Variants in KRT4 observed in about 807,000 individuals in gnomAD.
KRT4 encodes keratin 4.
In KRT4, 47 loss-of-function variants were observed where a neutral mutation model predicts 50.6. The ratio of observed to expected loss-of-function variants is 0.93; its 90% CI spans 0.73 to 1.18. The LOEUF (loss-of-function observed/expected upper bound fraction) is 1.18. Among genes scored for constraint, KRT4 ranks in the 50% most tolerant of loss-of-function variants. The probability of loss-of-function intolerance (pLI) is 0.00; values close to 1 mark genes in which losing one functional copy is unlikely to be tolerated. For synonymous variants in KRT4, 254 were observed against 251.2 expected (o/e 1.01, Z -0.10); for missense variants, 651 against 645.7 (o/e 1.01, Z -0.09).
intron 6 of KRT4, 87 bp downstream of exon 6, chr12:52,808,207 C>T (rs1939835578): frequency 6.5e-7 from 1 of 1,535,972 alleles, no homozygotes; most frequent in Non-Finnish European, 9.0e-7. Flanking sequence ...GGTCTTCTGG[C>T]CTGATGCTTT....
chr12:52,808,869 A>ACATCAGC lies in KRT4; in HGVS notation c.835-26_835-20dup, dbSNP rs554864842. 1.2e-4 allele frequency: 196 copies of ACATCAGC among 1,613,994 alleles called. No individual in the cohort carries two copies. The East Asian group carries it at 4.1e-3, about 33-fold the overall frequency. Reference sequence around the variant, plus strand: ...ACAGCTCCTGCAGGGCAAATGTCTCACATCAGCCCCCCCAGGAAAGCCTTC... The same window carrying ACATCAGC: ...ACAGCTCCTGCAGGGCAAATGTCTCACATCAGCCATCAGCCCCCCCAGGAAAGCCTTC... On this transcript the variant is annotated intron_variant, in intron 4 of 8. Transcript: ENST00000551956.
At chr12:52,813,466 A>G (rs532388246) in intron 1 of KRT4, 131 bp downstream of exon 1, 9 of 814,714 alleles carry the variant, frequency 1.1e-5, no homozygotes, top group Non-Finnish European at 1.9e-5. Context: ...TGCCCCTTCA[A>G]CAGCTGGAGA....
chr12:52,813,669 G>C lies in KRT4; in HGVS notation c.390C>G (p.Ile130Met), dbSNP rs1939951317. The part of the protein sequence containing the change: ...TPLHVEIDPE[I>M]QKVRTEEREQ... Reference sequence around the variant, plus strand: ...CGCGCTCTTCCGTCCGGACTTTCTGGATCTCAGGGTCAATCTCCACGTGGA... The same window carrying C: ...CGCGCTCTTCCGTCCGGACTTTCTGCATCTCAGGGTCAATCTCCACGTGGA... Residue 130 changes from isoleucine to methionine, a missense_variant, in exon 1 of 9, where the codon ATC (isoleucine) becomes ATG (methionine). Coordinates refer to ENST00000551956, the MANE Select transcript of KRT4 (RefSeq NM_002272.4). 6.2e-7 allele frequency: 1 copy of C among 1,614,152 alleles called. No homozygotes were observed.
In KRT4 at chr12:52,808,324, C is replaced by T; in HGVS notation, c.1095G>A (p.Leu365=). The stretch of plus-strand genomic sequence containing the variant: ...TCTTGATGTTCTCGATCTCTGCCCG[C>T]AGCCTCTGGATCATCCTGTTGAGCT... The part of the protein sequence containing the change: ...IAELNRMIQR[L]RAEIENIKKQ... Residue 365 remains leucine (L), a synonymous_variant, in exon 6 of 9, where the codon CTG becomes CTA. Coordinates refer to ENST00000551956, the MANE Select transcript of KRT4 (RefSeq NM_002272.4). The T allele has an allele frequency of 6.2e-7, 1 of 1,614,190 alleles. No homozygotes were observed. The highest frequency in any genetic ancestry group is 1.1e-5 in the South Asian group (1 of 91,082).
chr12:52,811,871 G>T lies in KRT4; in HGVS notation c.569C>A (p.Thr190Asn). 1 of 1,614,046 alleles carries T rather than the reference G, an allele frequency of 6.2e-7. No homozygotes were observed. Among genetic ancestry groups the T allele is most frequent in the Non-Finnish European group, 8.5e-7 (1 of 1,179,990 alleles). Residue 190 changes from threonine (T) to asparagine (N), a missense_variant, in exon 2 of 9, where the codon ACC (threonine) becomes AAC (asparagine). Physicochemically the swap from Thr to Asn is moderately conservative, Grantham distance 65. Coordinates refer to ENST00000551956, the MANE Select transcript of KRT4 (RefSeq NM_002272.4). The stretch of plus-strand genomic sequence containing the variant: ...CTGCTTCCTCAGGACACTGAGGTAG[G>T]TCTCAAAGAGGGGCTCAAGGTTTTT... ...SSKNLEPLFE[T>N]YLSVLRKQLD...
At chr12:52,812,725 C>T (rs1195223844) in intron 1 of KRT4, among the ~76,000 whole-genome samples, 1 of 152,246 alleles carries the variant, frequency 6.6e-6, no homozygotes, top group Admixed American at 6.5e-5. Flanking sequence ...ATCACATCTG[C>T]ATGTCCTATA....
intron 6 of KRT4, 96 bp downstream of exon 6, chr12:52,808,198 G>A: frequency 1.3e-6 from 2 of 1,489,176 alleles, no homozygotes; most frequent in Middle Eastern, 2.2e-4. Context: ...CAAGCTCAGG[G>A]TCTTCTGGCC....
chr12:52,809,486 G>A lies in KRT4; in HGVS notation c.739-8C>T, dbSNP rs1216202320. On this transcript the variant is annotated splice_region_variant and splice_polypyrimidine_tract_variant and intron_variant, in intron 3 of 8. Transcript: ENST00000551956. ...GTAGGCAGCATCCACGTCCTGCAGAGGAGTAAGGAGGATAAGAGATGAGGA... is the reference window on the plus strand; with the variant it reads ...GTAGGCAGCATCCACGTCCTGCAGAAGAGTAAGGAGGATAAGAGATGAGGA... 5.0e-6 allele frequency: 8 copies of A among 1,599,364 alleles called. No homozygotes were observed. The highest frequency in any genetic ancestry group is 6.9e-6 in the Non-Finnish European group (8 of 1,166,434).
At chr12:52,811,662 C>T (rs1939912201) in intron 2 of KRT4, 101 bp downstream of exon 2, 2 of 981,706 alleles carry the variant, frequency 2.0e-6, no homozygotes, top group Non-Finnish European at 3.2e-6. Flanking sequence ...TCCTAGACGC[C>T]TTCAGAGCCT....
Position 52,807,701 on chromosome 12 carries a change from A to G in KRT4, c.1289T>C (p.Leu430Pro). 6.2e-7 allele frequency: 1 copy of G among 1,614,136 alleles called. No homozygotes were observed. Among genetic ancestry groups the G allele is most frequent in the African/African-American group, 1.3e-5 (1 of 75,036 alleles). ...REYQELMSVK[L>P]ALDIEIATYR... ...GGTGGCGATCTCGATGTCCAAGGCC[A>G]GCTTCACACTCATGAGCTCCTGGTA... is the stretch of plus-strand genomic sequence containing the variant. The change falls in exon 7 of 9, where the codon CTG becomes CCG. Residue 430 changes from leucine to proline, a missense_variant. Transcript: ENST00000551956.
At position 52,807,192 on chromosome 12, in the gene KRT4, G is replaced by C. The variant is rs200467319; in HGVS notation, c.1440C>G (p.Ser480=). 1 of 1,614,132 alleles carries C rather than the reference G, an allele frequency of 6.2e-7. No homozygotes were observed. The change falls in exon 9 of 9, where the codon TCC becomes TCG. Residue 480 remains serine (S), a synonymous_variant. Coordinates refer to ENST00000551956, the MANE Select transcript of KRT4 (RefSeq NM_002272.4). The stretch of plus-strand genomic sequence containing the variant: ...CAAAGCCACTACTCAGGCCAAACCC[G>C]GAGCCACTTCCTAATCCTCCGCTGA... ...GGISGGLGSG[S]GFGLSSGFGS...
chr12:52,808,173 A>G, intron 6 of KRT4, 121 bp downstream of exon 6: 3 of 1,326,960 alleles, frequency 2.3e-6, no homozygotes, highest in East Asian at 2.3e-5. Flanking sequence ...ACAAAGAGCT[A>G]TGAATTCCCA....
At chr12:52,809,981 T>A (rs1939880611) in intron 3 of KRT4, among the ~76,000 whole-genome samples, 1 of 152,162 alleles carries the variant, frequency 6.6e-6, no homozygotes, top group Non-Finnish European at 1.5e-5. Flanking sequence ...GAGGCCATTA[T>A]CTTAAGTGAA....
intron 2 of KRT4, chr12:52,811,508 T>C: frequency 2.0e-6 from 1 of 507,280 alleles, no homozygotes; most frequent in Non-Finnish European, 3.6e-6. Context: ...TTTTCATCTA[T>C]TTGGGTTCTG....
rs1939852301 is a variant in KRT4 at position 52,808,695 on chromosome 12, G to A, written c.990C>T (p.Tyr330=). Residue 330 remains tyrosine, a synonymous_variant, in exon 5 of 9, where the codon TAC becomes TAT. Transcript: ENST00000551956. The part of the protein sequence containing the change: ...QRSKAEAEAL[Y]QTKVQQLQIS... ...GATCCATACCACCCACCTTGGTCTG[G>A]TACAGGGCTTCAGCCTCAGCCTTGC... is the stretch of plus-strand genomic sequence containing the variant. The A allele has an allele frequency of 6.2e-7, 1 of 1,614,060 alleles. No individual in the cohort carries two copies. The highest frequency in any genetic ancestry group is 8.5e-7 in the Non-Finnish European group (1 of 1,180,032).
Position 52,806,689 on chromosome 12 carries a change from C to T in KRT4, c.*380G>A. 3.3e-6 allele frequency: 1 copy of T among 305,170 alleles called. No homozygotes were observed. Among genetic ancestry groups the T allele is most frequent in the Non-Finnish European group, 6.4e-6 (1 of 156,682 alleles). 18.9% of individuals were successfully genotyped at this position (305,170 alleles called of 1,614,324 possible). On this transcript the variant is annotated 3_prime_UTR_variant, in exon 9 of 9. Coordinates refer to ENST00000551956, the MANE Select transcript of KRT4 (RefSeq NM_002272.4). The stretch of plus-strand genomic sequence containing the variant: ...CGGGTGTTGGAGAAGTAGTTTGGTT[C>T]TGATGTAGATGGATAATACAGGATC...
rs752058246 is a variant in KRT4, at chr12:52,807,800, G to T, written c.1190C>A (p.Ala397Asp). 6.2e-7 allele frequency: 1 copy of T among 1,614,180 alleles called. No homozygotes were observed. The highest frequency in any genetic ancestry group is 1.1e-5 in the South Asian group (1 of 91,084). Residue 397 changes from alanine to aspartate, a missense_variant, in exon 7 of 9, where the codon GCC becomes GAC. By Grantham distance (126) the Ala-to-Asp change is moderately radical. Coordinates refer to ENST00000551956, the MANE Select transcript of KRT4 (RefSeq NM_002272.4). ...CTCCAGCTCTACGCGCTTGCTGTGG[G>T]CATCTTTAAGGGCATTCTCACCTCG... ...EQRGENALKD[A>D]HSKRVELEAA...
chr12:52,808,213 G>A (rs1489861944), intron 6 of KRT4, 81 bp downstream of exon 6: 1 of 1,554,170 alleles, frequency 6.4e-7, no homozygotes, highest in African/African-American at 1.4e-5. Context: ...CTGGCCTGAT[G>A]CTTTATCTGC....
Position 52,807,243 on chromosome 12 carries a change from G to A in KRT4, c.1389C>T (p.Val463=). 1.2e-6 allele frequency: 2 copies of A among 1,614,160 alleles called. No homozygotes were observed. The highest frequency in any genetic ancestry group is 8.5e-7 in the Non-Finnish European group (1 of 1,180,034). ...ECQSAVSISV[V]SGSTSTGGIS... ...TGCCTCCAGTGCTGGTGCTACCGCT[G>A]ACCACAGCTGCAGAAAAGACACAAA... Residue 463 remains valine (V), a synonymous_variant, in exon 9 of 9, where the codon GTC becomes GTT. Transcript: ENST00000551956.
Sources: allele counts gnomAD v4.1 joint callset (sites outside exome capture counted in the v4.1 genomes callset), GRCh38; gene constraint gnomAD v4.1.1; transcripts MANE v1.5; gene names NCBI Gene and HGNC (gene_info 2026-07-23, HGNC 2026-07-21).